RIPOR1: variants seen among roughly 807,000 people sequenced by gnomAD.
RIPOR1 encodes the protein rho family-interacting cell polarization regulator 1.
RIPOR1 carries 58 observed loss-of-function variants against 116.5 expected under a neutral mutation model. The observed-to-expected ratio is 0.50, with a 90% confidence interval of 0.40 to 0.62. The LOEUF (loss-of-function observed/expected upper bound fraction) is 0.62, where lower values mean the gene tolerates loss of function less well. Among genes scored for constraint, RIPOR1 ranks in the 20% least tolerant of loss-of-function variants. RIPOR1 has a pLI of 0.00. For missense variants in RIPOR1, 1,372 were observed against 1,586.2 expected (o/e 0.86, Z 2.29); for synonymous variants, 605 against 650.0 (o/e 0.93, Z 1.05).
Position 67,542,559 on chromosome 16 carries a change from C to G in RIPOR1, c.1773C>G (p.Ile591Met). Reference protein sequence around the residue: ...TLTTTGPTLNIIGPVQTTTSP... With the variant: ...TLTTTGPTLNMIGPVQTTTSP... ...CTACTACAGGCCCTACCCTCAATAT[C>G]ATAGGCCCAGTCCAGACTACCACAA... The change falls in exon 13 of 22, where the codon ATC becomes ATG. Residue 591 changes from isoleucine (I) to methionine (M), a missense_variant. Ile to Met is a conservative substitution (Grantham distance 10, BLOSUM62 1). Coordinates refer to ENST00000042381, the MANE Select transcript of RIPOR1 (RefSeq NM_024519.4). The surrounding 1 kb of genome is among the most constrained non-coding windows in gnomAD (Gnocchi z 4.6). 1 of 1,613,932 alleles carries G rather than the reference C, an allele frequency of 6.2e-7. No individual in the cohort carries two copies. The highest frequency in any genetic ancestry group is 8.5e-7 in the Non-Finnish European group (1 of 1,179,916).
rs746466475 is a variant in RIPOR1, at chr16:67,538,539, G to A, written c.93G>A (p.Glu31=). The change falls in exon 2 of 22, where the codon GAG becomes GAA. Residue 31 remains glutamate (E), a synonymous_variant. Transcript: ENST00000042381. ...TCGCAGGCGTCCTCGGCAGCCACGAGCGGGGGCCCAGGTACGCGGCCGCGC... is the reference window on the plus strand; with the variant it reads ...TCGCAGGCGTCCTCGGCAGCCACGAACGGGGGCCCAGGTACGCGGCCGCGC... ...QSFAGVLGSH[E]RGPRSFPVFS... is the part of the protein sequence containing the mutation. The A allele has an allele frequency of 1.6e-5, 25 of 1,612,070 alleles. No individual in the cohort carries two copies. The Admixed American group carries it at 2.2e-4, about 14-fold the overall frequency.
Position 67,544,349 on chromosome 16 carries a change from G to A in RIPOR1, c.2651G>A (p.Ser884Asn), listed in dbSNP as rs1163747988. Residue 884 changes from serine (S) to asparagine (N), a missense_variant, in exon 15 of 22, where the codon AGT becomes AAT. Physicochemically the swap from Ser to Asn is conservative, Grantham distance 46 (BLOSUM62 1). This residue lies in a region of RIPOR1 where 1,005 missense variants were observed against 1,144.7 expected (regional missense o/e 0.88). Transcript: ENST00000042381. The surrounding 1 kb of genome is among the most constrained non-coding windows in gnomAD (Gnocchi z 5.1). ...GCTGAGGACAGCATAGACTCACCCA[G>A]TGCCCGCCCCCTCAGCACGGGGTGT... is the stretch of plus-strand genomic sequence containing the variant. ...AGAEDSIDSP[S>N]ARPLSTGCPA... 6.2e-7 allele frequency: 1 copy of A among 1,613,250 alleles called. No individual in the cohort carries two copies. The highest frequency in any genetic ancestry group is 8.5e-7 in the Non-Finnish European group (1 of 1,179,818).
At chr16:67,519,799 C>T (rs376097647) in intron 1 of RIPOR1, among the ~76,000 whole-genome samples, 3 of 152,094 alleles carry the variant, frequency 2.0e-5, no homozygotes, top group East Asian at 3.9e-4. Flanking sequence ...CGGTGGCTCA[C>T]GCCTGTAATC....
rs750889086 is a variant in RIPOR1 at position 67,546,476 on chromosome 16, T to A, written c.*13T>A. On this transcript the variant is annotated 3_prime_UTR_variant, in exon 22 of 22. Transcript: ENST00000042381. ...CACAGCATTCTAAACTATTCACCCA[T>A]GGGTTCCTGGTGCCCCTTTCCCCCC... is the stretch of plus-strand genomic sequence containing the variant. 1.9e-6 allele frequency: 3 copies of A among 1,607,364 alleles called. No individual in the cohort carries two copies. The highest frequency in any genetic ancestry group is 2.6e-6 in the Non-Finnish European group (3 of 1,174,544).
chr16:67,541,457 C>A lies in RIPOR1; in HGVS notation c.829C>A (p.His277Asn). Residue 277 changes from histidine to asparagine, a missense_variant, in exon 11 of 22, where the codon CAT becomes AAT. Coordinates refer to ENST00000042381, the MANE Select transcript of RIPOR1 (RefSeq NM_024519.4). The surrounding 1 kb of genome is among the most constrained non-coding windows in gnomAD (Gnocchi z 4.6). ...KVTELKGLAN[H>N]VVVGSVSCET... ...GACAGAACTGAAGGGCCTGGCCAAC[C>A]ATGTGGTTGTGGGCAGTGTCTCCTG... is the stretch of plus-strand genomic sequence containing the variant. The A allele has an allele frequency of 1.2e-6, 2 of 1,614,090 alleles. No homozygotes were observed. Among genetic ancestry groups the A allele is most frequent in the Non-Finnish European group, 1.7e-6 (2 of 1,179,984 alleles).
In RIPOR1 at chr16:67,522,119, C is replaced by T. The variant is rs546232049; in HGVS notation, c.-24+3506C>T. ...CTCAGCTCACTGCAACCTCTGCCTCCCGGATTCAAGCGATTCTTCTGCCTC... is the reference window on the plus strand; with the variant it reads ...CTCAGCTCACTGCAACCTCTGCCTCTCGGATTCAAGCGATTCTTCTGCCTC... On this transcript the variant is annotated intron_variant, in intron 1 of 1. Transcript: ENST00000562116. 6.2e-4 allele frequency among the ~76,000 whole-genome samples: 94 copies of T among 151,664 alleles called. 1 individual carries two copies. Among genetic ancestry groups the T allele is most frequent in the African/African-American group, 2.2e-3 (89 of 41,218 alleles).
intron 1 of RIPOR1, among the ~76,000 whole-genome samples, chr16:67,523,537 A>AC (rs1283496228): frequency 6.6e-6 from 1 of 150,918 alleles, no homozygotes; most frequent in East Asian, 1.9e-4. Flanking sequence ...AAAAAAAAAA[A>AC]AAAAAAAAAA....
rs775687370 is a variant in RIPOR1, at chr16:67,539,573, G to T, written c.337-155G>T. On this transcript the variant is annotated intron_variant, in intron 4 of 21. Coordinates refer to ENST00000042381, the MANE Select transcript of RIPOR1 (RefSeq NM_024519.4). ...GATCTGTGCTACCAGCATCCACCAA[G>T]GGCTAGACCAGCAGGAAGGGGCGTC... The T allele has an allele frequency of 1.1e-5, 10 of 901,402 alleles. No homozygotes were observed. In the South Asian group the frequency reaches 1.4e-4, roughly 13 times the overall value. 55.8% of individuals were successfully genotyped at this position (901,402 alleles called of 1,614,324 possible). A position where few individuals can be genotyped will look rare whatever the true frequency, so the allele number is the denominator to read the frequency against.
chr16:67,539,566 C>T, intron 4 of RIPOR1, 162 bp from the exon 5 acceptor site: 2 of 847,668 alleles, frequency 2.4e-6, no homozygotes, highest in South Asian at 3.0e-5. Flanking sequence ...CTACCAGCAT[C>T]CACCAAGGGC....
At position 67,531,673 on chromosome 16, in the gene RIPOR1, G is replaced by A. The variant is rs1208969034; in HGVS notation, c.-24+2759G>A. 1 of 451,510 alleles carries A rather than the reference G, an allele frequency of 2.2e-6. No individual in the cohort carries two copies. The highest frequency in any genetic ancestry group is 1.6e-5 in the South Asian group (1 of 63,980). The allele number at this position is 451,510 out of a possible 1,614,324, so 28.0% of individuals were successfully genotyped here. ...CAGTTGCTGGAACAGAGAAAGCAGGGGACTGGGAGGAGAGGAGTGGTTGAA... is the reference window on the plus strand; with the variant it reads ...CAGTTGCTGGAACAGAGAAAGCAGGAGACTGGGAGGAGAGGAGTGGTTGAA... On this transcript the variant is annotated intron_variant, in intron 1 of 21. Transcript: ENST00000042381. The surrounding 1 kb of genome is among the most constrained non-coding windows in gnomAD (Gnocchi z 4.2).
At position 67,538,420 on chromosome 16, in the gene RIPOR1, G is replaced by T; in HGVS notation, c.-23-4G>T. The T allele has an allele frequency of 6.4e-7, 1 of 1,572,214 alleles. No individual in the cohort carries two copies. The highest frequency in any genetic ancestry group is 8.6e-7 in the Non-Finnish European group (1 of 1,158,820). The stretch of plus-strand genomic sequence containing the variant: ...GTACTGGACACCCCCCCGATCACCC[G>T]CAGGGAGCCCCGCGCGGACTCACTC... On this transcript the variant is annotated splice_region_variant and splice_polypyrimidine_tract_variant and intron_variant, in intron 1 of 21. Coordinates refer to ENST00000042381, the MANE Select transcript of RIPOR1 (RefSeq NM_024519.4).
At position 67,538,671 on chromosome 16, in the gene RIPOR1, G is replaced by C. The variant is rs1282308682; in HGVS notation, c.105-1G>C. ...CTTTCTGAGGACAGCCTCTCCTTCA[G>C]GAGTTTCCCGGTCTTCAGCCCGCCG... On this transcript the variant is annotated splice_acceptor_variant, in intron 2 of 21. Transcript: ENST00000042381. LOFTEE classifies it high-confidence loss of function. The C allele has an allele frequency of 6.2e-7, 1 of 1,612,622 alleles. No homozygotes were observed. The highest frequency in any genetic ancestry group is 2.2e-5 in the East Asian group (1 of 44,848).
In RIPOR1 at chr16:67,545,485, C is replaced by G. The variant is rs530628273; in HGVS notation, c.3141C>G (p.Thr1047=). The G allele has an allele frequency of 5.6e-6, 9 of 1,614,004 alleles. No homozygotes were observed. In the African/African-American group the frequency reaches 1.2e-4, roughly 22 times the overall value. ...TCCAGTTCTGGAGTTTTGTGGAAACCTTGGACAGCCCCACCATGGAGGCCT... is the reference window on the plus strand; with the variant it reads ...TCCAGTTCTGGAGTTTTGTGGAAACGTTGGACAGCCCCACCATGGAGGCCT... ...TVFQFWSFVE[T]LDSPTMEAYV... Residue 1047 remains threonine (T), a synonymous_variant, in exon 18 of 22, where the codon ACC becomes ACG. Coordinates refer to ENST00000042381, the MANE Select transcript of RIPOR1 (RefSeq NM_024519.4). This position sits in a 1 kb window ranked among gnomAD's most constrained non-coding sequence, Gnocchi z 4.8.
In RIPOR1 at chr16:67,541,228, T is replaced by TC; in HGVS notation, c.802-202_802-201insC. On this transcript the variant is annotated intron_variant, in intron 10 of 21. Transcript: ENST00000042381. This position sits in a 1 kb window ranked among gnomAD's most constrained non-coding sequence, Gnocchi z 4.6. ...CTACAGGTGCACCACCATGCCTGGC[T>TC]AAAAATTTTTTTTTTTTTTTTTTTT... The TC allele has an allele frequency of 1.7e-6, 1 of 590,780 alleles. No homozygotes were observed. 36.6% of individuals were successfully genotyped at this position (590,780 alleles called of 1,614,324 possible).
rs960977660 is a variant in RIPOR1, at chr16:67,529,827, C to T, written c.-24+913C>T. The T allele has an allele frequency of 2.0e-6, 3 of 1,535,938 alleles. No individual in the cohort carries two copies. Among genetic ancestry groups the T allele is most frequent in the Non-Finnish European group, 2.6e-6 (3 of 1,146,738 alleles). ...GCACAGCATCTGAGGAGGGTTATGA[C>T]CATCTGGCAGATGCAGAAACAGGCC... On this transcript the variant is annotated intron_variant, in intron 1 of 21. Coordinates refer to ENST00000042381, the MANE Select transcript of RIPOR1 (RefSeq NM_024519.4). This position sits in a 1 kb window ranked among gnomAD's most constrained non-coding sequence, Gnocchi z 4.1.
intron 20 of RIPOR1, 40 bp downstream of exon 20, chr16:67,546,072 G>A (rs766138755): frequency 1.1e-5 from 13 of 1,204,614 alleles, no homozygotes; most frequent in South Asian, 3.9e-5. Context: ...GTCCGCTTCC[G>A]GCACCCCCAC....
At chr16:67,528,980 C>G (rs910515209) in intron 1 of RIPOR1, 66 bp downstream of exon 1, 7 of 170,994 alleles carry the variant, frequency 4.1e-5, no homozygotes, top group Non-Finnish European at 7.6e-5. Context: ...GGTTCTGGTG[C>G]CCCCCCGCCG....
rs2050976792 is a variant in RIPOR1, at chr16:67,541,389, C to G, written c.802-41C>G. The G allele has an allele frequency of 6.3e-7, 1 of 1,595,606 alleles. No individual in the cohort carries two copies. The highest frequency in any genetic ancestry group is 8.6e-7 in the Non-Finnish European group (1 of 1,169,272). ...CTCAGATTTCCCATGATCTCATAGC[C>G]CCTGCACCCTTGTGACCCTACCATG... On this transcript the variant is annotated intron_variant, in intron 10 of 21. Coordinates refer to ENST00000042381, the MANE Select transcript of RIPOR1 (RefSeq NM_024519.4). This position sits in a 1 kb window ranked among gnomAD's most constrained non-coding sequence, Gnocchi z 4.6.
At chr16:67,533,740 G>A (rs2050720736) in intron 1 of RIPOR1, among the ~76,000 whole-genome samples, 1 of 151,710 alleles carries the variant, frequency 6.6e-6, no homozygotes, top group East Asian at 1.9e-4. Flanking sequence ...GGCTTTGAAA[G>A]GAGAGGAGAA....
Sources: allele counts gnomAD v4.1 joint callset (sites outside exome capture counted in the v4.1 genomes callset), GRCh38; gene constraint gnomAD v4.1.1; regional missense constraint gnomAD v4.1.1; non-coding constraint Gnocchi (gnomAD v3.1); transcripts MANE v1.5; gene names NCBI Gene and HGNC (gene_info 2026-07-23, HGNC 2026-07-21).